FERRY3: variants seen among roughly 807,000 people sequenced by gnomAD.
The protein encoded by FERRY3 is protein C12orf4.
At chr12:4,517,244 T>C in the FERRY3 span, 1 of 1,419,864 alleles carries the variant, frequency 7.0e-7, no homozygotes, top group East Asian at 2.6e-5. Flanking sequence ...AAATATTTAG[T>C]ATTTACTTAC....
chr12:4,517,710 C>CAGAG, the FERRY3 span, among the ~76,000 whole-genome samples: 286 of 132,296 alleles, frequency 2.2e-3, 2 homozygotes, highest in African/African-American at 4.7e-3. Context: ...TATATATAGA[C>CAGAG]AGAGAGAGAG....
the FERRY3 span, among the ~76,000 whole-genome samples, chr12:4,507,012 T>C: frequency 6.6e-6 from 1 of 152,148 alleles, no homozygotes; most frequent in Non-Finnish European, 1.5e-5. Context: ...AAGTAGTTGC[T>C]TGAACAAGAA....
the FERRY3 span, among the ~76,000 whole-genome samples, chr12:4,521,566 T>G: frequency 6.6e-6 from 1 of 152,030 alleles, no homozygotes; most frequent in South Asian, 2.1e-4. Context: ...CACAAGGAAT[T>G]TTAGCAAAGA....
At chr12:4,502,083 A>G in the FERRY3 span, among the ~76,000 whole-genome samples, 19 of 152,240 alleles carry the variant, frequency 1.2e-4, no homozygotes, top group African/African-American at 4.6e-4. This position sits in a 1 kb window ranked among gnomAD's most constrained non-coding sequence, Gnocchi z 4.2. Flanking sequence ...CTTTTCATCA[A>G]TCACATCTCA....
chr12:4,517,710 CAGAGAGAGAGAGAG>C, the FERRY3 span, among the ~76,000 whole-genome samples: 11 of 132,302 alleles, frequency 8.3e-5, no homozygotes, highest in Admixed American at 6.1e-4. Flanking sequence ...TATATATAGA[CAGAGAGAGAGAGAG>C]AGAGAGAGAG....
At chr12:4,499,867 T>G in the FERRY3 span, among the ~76,000 whole-genome samples, 1 of 151,740 alleles carries the variant, frequency 6.6e-6, no homozygotes, top group Non-Finnish European at 1.5e-5. Flanking sequence ...GAGAAAGAGG[T>G]GTAGGGGCAC....
At chr12:4,492,233 A>T in the FERRY3 span, among the ~76,000 whole-genome samples, 1 of 152,198 alleles carries the variant, frequency 6.6e-6, no homozygotes, top group Non-Finnish European at 1.5e-5. Flanking sequence ...AACAAAAAAA[A>T]TTTTAGTAAG....
chr12:4,496,972 T>C, the FERRY3 span, among the ~76,000 whole-genome samples: 1 of 152,200 alleles, frequency 6.6e-6, no homozygotes, highest in Non-Finnish European at 1.5e-5. Flanking sequence ...TGAAAAACTA[T>C]TTGGCATATC....
chr12:4,515,652 C>CG, the FERRY3 span, among the ~76,000 whole-genome samples: 1 of 151,228 alleles, frequency 6.6e-6, no homozygotes, highest in East Asian at 1.9e-4. Context: ...AGGGCTGGGG[C>CG]GGGGGGAAAT....
the FERRY3 span, among the ~76,000 whole-genome samples, chr12:4,511,269 A>G: frequency 6.6e-6 from 1 of 151,196 alleles, no homozygotes; most frequent in South Asian, 2.1e-4. Flanking sequence ...AAAGAGACTT[A>G]GACTCCCACA....
chr12:4,497,967 T>C, the FERRY3 span, among the ~76,000 whole-genome samples: 1 of 152,236 alleles, frequency 6.6e-6, no homozygotes, highest in Non-Finnish European at 1.5e-5. Context: ...CTGTGTAGTG[T>C]TGTCTGAGTT....
the FERRY3 span, among the ~76,000 whole-genome samples, chr12:4,524,781 A>C: frequency 1.3e-5 from 2 of 152,188 alleles, no homozygotes; most frequent in Non-Finnish European, 2.9e-5. Flanking sequence ...GTTATAATTT[A>C]TGAGAAATCC....
the FERRY3 span, among the ~76,000 whole-genome samples, chr12:4,532,214 C>T: frequency 3.3e-5 from 5 of 151,944 alleles, no homozygotes; most frequent in East Asian, 9.7e-4. Context: ...CTGGTCCAGG[C>T]CACGTAGCCC....
the FERRY3 span, among the ~76,000 whole-genome samples, chr12:4,526,368 ATGTT>A: frequency 7.2e-5 from 11 of 152,296 alleles, no homozygotes; most frequent in East Asian, 2.1e-3. Context: ...TTCTGTGTGT[ATGTT>A]ATATTTTAAT....
At chr12:4,516,405 A>G in the FERRY3 span, among the ~76,000 whole-genome samples, 4 of 152,256 alleles carry the variant, frequency 2.6e-5, no homozygotes, top group East Asian at 7.7e-4. Flanking sequence ...ATATAAAGAT[A>G]CATGCACACG....
At chr12:4,495,290 T>C in the FERRY3 span, among the ~76,000 whole-genome samples, 3 of 152,186 alleles carry the variant, frequency 2.0e-5, no homozygotes, top group African/African-American at 7.2e-5. Flanking sequence ...TCTTAAAATA[T>C]TACTCTAAAA....
chr12:4,538,457 C>CGCA, the FERRY3 span: 341 of 169,170 alleles, frequency 2.0e-3, 3 homozygotes, highest in African/African-American at 7.8e-3. Flanking sequence ...GAGCTGTCAG[C>CGCA]GCGTCCTGCA....
At chr12:4,518,284 T>C in the FERRY3 span, 69 of 1,599,102 alleles carry the variant, frequency 4.3e-5, no homozygotes, top group Non-Finnish European at 5.7e-5. Flanking sequence ...CCAGGAAAGA[T>C]ACTTAAGCAG....
chr12:4,529,749 A>G, the FERRY3 span: 1 of 812,414 alleles, frequency 1.2e-6, no homozygotes, highest in Non-Finnish European at 1.8e-6. Context: ...ATTAATTTCT[A>G]ATATTGAAGT....
Sources: gnomAD v4.1 joint callset for allele counts (sites outside exome capture counted in the v4.1 genomes callset) on GRCh38, gnomAD v4.1.1 for gene constraint, Gnocchi (gnomAD v3.1) non-coding constraint, MANE v1.5 for transcripts, NCBI Gene and HGNC (gene_info 2026-07-23, HGNC 2026-07-21) for gene names.